FYB2: variants seen among roughly 807,000 people sequenced by gnomAD.
The protein encoded by FYB2 is FYN binding protein 2.
FYB2 carries 103 observed loss-of-function variants against 94.1 expected under a neutral mutation model. The observed-to-expected ratio is 1.09, with a 90% confidence interval of 0.93 to 1.29. The LOEUF (loss-of-function observed/expected upper bound fraction) is 1.29, where lower values mean the gene tolerates loss of function less well. Ranked by LOEUF, FYB2 falls within the 50% of genes most tolerant of loss-of-function variation. The pLI, the probability that FYB2 is intolerant of heterozygous loss-of-function variation, is 0.00. For missense variants in FYB2, 896 were observed against 841.5 expected (o/e 1.06, Z -0.80); for synonymous variants, 293 against 287.9 (o/e 1.02, Z -0.18).
chr1:56,793,540 A>G (rs761575905), intron 1 of FYB2, among the ~76,000 whole-genome samples: 24 of 152,198 alleles, frequency 1.6e-4, no homozygotes, highest in Non-Finnish European at 2.9e-4. Context: ...ACACATGGAC[A>G]TAAAGATGAA....
At chr1:56,740,488 T>C (rs1198399895) in intron 13 of FYB2, among the ~76,000 whole-genome samples, 1 of 152,080 alleles carries the variant, frequency 6.6e-6, no homozygotes, top group Non-Finnish European at 1.5e-5. Context: ...TCTGCCATTT[T>C]TTCAAAGGAG....
chr1:56,763,968 T>TA (rs1645562994), intron 5 of FYB2, among the ~76,000 whole-genome samples: 1 of 151,220 alleles, frequency 6.6e-6, no homozygotes, highest in Non-Finnish European at 1.5e-5. Flanking sequence ...TTTTTTTTTT[T>TA]AGATGGAGTT....
At chr1:56,823,635 G>A (rs1557683472), upstream of FYB2, 2 of 152,162 alleles carry the variant, frequency 1.3e-5, no homozygotes, top group African/African-American at 4.8e-5. Flanking sequence ...TATAGTAAGA[G>A]CTTTTTTGAA....
intron 1 of FYB2, among the ~76,000 whole-genome samples, chr1:56,798,166 A>G (rs766443210): frequency 2.6e-5 from 4 of 152,256 alleles, no homozygotes; most frequent in Admixed American, 6.5e-5. Flanking sequence ...ACCGTAACTC[A>G]GCAGAATCTT....
chr1:56,780,324 C>G (rs1335275341), intron 4 of FYB2, among the ~76,000 whole-genome samples: 1 of 152,204 alleles, frequency 6.6e-6, no homozygotes, highest in African/African-American at 2.4e-5. Context: ...TCACACAGAT[C>G]CCTCTGCACA....
At chr1:56,806,876 C>CA (rs1324966440) in intron 1 of FYB2, among the ~76,000 whole-genome samples, 1 of 152,150 alleles carries the variant, frequency 6.6e-6, no homozygotes, top group Non-Finnish European at 1.5e-5. Flanking sequence ...GTGCCAAGTT[C>CA]AAAATATAGC....
chr1:56,771,494 A>C (rs1409901015), intron 4 of FYB2, among the ~76,000 whole-genome samples: 1 of 152,224 alleles, frequency 6.6e-6, no homozygotes, highest in East Asian at 1.9e-4. Flanking sequence ...TTGCCTCTGC[A>C]AAGGGAGAAA....
rs1223048187 is a variant in FYB2 at position 56,792,027 on chromosome 1, C to T, written c.757+29G>A. ...AAAAACATGATGACACCTCCCTAGC[C>T]CCTGTCCCATGGGGATCACGTTTGT... On this transcript the variant is annotated intron_variant, in intron 2 of 19. Coordinates refer to ENST00000343433, the MANE Select transcript of FYB2 (RefSeq NM_001004303.5). The T allele has an allele frequency of 5.8e-6, 9 of 1,538,876 alleles. No individual in the cohort carries two copies. The South Asian group carries it at 6.6e-5, about 11-fold the overall frequency.
chr1:56,737,031 G>T, intron 15 of FYB2, 56 bp downstream of exon 15: 1 of 1,269,934 alleles, frequency 7.9e-7, no homozygotes, highest in South Asian at 1.2e-5. Context: ...AATTAAGAAA[G>T]CATCAGGAAA....
chr1:56,819,949 C>T (rs557885475), upstream of FYB2, among the ~76,000 whole-genome samples: 42 of 152,160 alleles, frequency 2.8e-4, 1 homozygote, highest in South Asian at 5.4e-3. Context: ...GAAGAATGGC[C>T]GGGTGCAGTG....
At chr1:56,821,779 C>T (rs555759152), upstream of FYB2, among the ~76,000 whole-genome samples, 50 of 152,282 alleles carry the variant, frequency 3.3e-4, no homozygotes, top group Non-Finnish European at 3.5e-4. Context: ...GGGCCCCCAT[C>T]CCATAAGTGG....
intron 1 of FYB2, among the ~76,000 whole-genome samples, chr1:56,803,426 G>T (rs147280516): frequency 6.6e-6 from 1 of 152,270 alleles, no homozygotes; most frequent in Non-Finnish European, 1.5e-5. Flanking sequence ...GAAGGAAGAA[G>T]AAAAAGCAAA....
intron 15 of FYB2, among the ~76,000 whole-genome samples, chr1:56,728,846 C>A (rs889285148): frequency 6.6e-6 from 1 of 152,102 alleles, no homozygotes; most frequent in Non-Finnish European, 1.5e-5. Context: ...TCACTCTAAG[C>A]CCACAGGAGT....
In FYB2 at chr1:56,819,368, C is replaced by T; in HGVS notation, c.-78G>A. The T allele has an allele frequency of 6.3e-7, 1 of 1,585,292 alleles. No individual in the cohort carries two copies. The highest frequency in any genetic ancestry group is 8.7e-7 in the Non-Finnish European group (1 of 1,155,688). On this transcript the variant is annotated 5_prime_UTR_variant, in exon 1 of 20. Transcript: ENST00000343433. ...GTCCTGGGGCCAACAATCCGCTTTC[C>T]TCTGTCTCTGCTAGCCAGGGAGCAA...
intron 1 of FYB2, among the ~76,000 whole-genome samples, chr1:56,795,537 T>C (rs1268076429): frequency 2.0e-5 from 3 of 152,194 alleles, no homozygotes; most frequent in Non-Finnish European, 4.4e-5. Context: ...CTATTTTTAA[T>C]TTTTGAGGAG....
intron 4 of FYB2, among the ~76,000 whole-genome samples, chr1:56,777,585 G>A (rs895843271): frequency 3.3e-5 from 5 of 152,114 alleles, no homozygotes; most frequent in African/African-American, 4.8e-5. Context: ...GTCTTAAGCC[G>A]AGTGCTGTCT....
At chr1:56,757,152 G>A (rs1241039538) in intron 6 of FYB2, among the ~76,000 whole-genome samples, 1 of 152,134 alleles carries the variant, frequency 6.6e-6, no homozygotes, top group Non-Finnish European at 1.5e-5. Context: ...ACTTAAAACA[G>A]AAAATTGGGA....
intron 4 of FYB2, among the ~76,000 whole-genome samples, chr1:56,777,264 A>C (rs982871595): frequency 1.3e-4 from 1 of 7,978 alleles, no homozygotes; most frequent in Non-Finnish European, 1.8e-4. Context: ...AAAAAAAAAA[A>C]AAAAAAAAAA....
intron 1 of FYB2, among the ~76,000 whole-genome samples, chr1:56,808,841 T>C (rs138589721): frequency 6.6e-6 from 1 of 152,316 alleles, no homozygotes; most frequent in Non-Finnish European, 1.5e-5. Flanking sequence ...ATTTCACTAA[T>C]GATCCTTGCA....
Sources: allele counts gnomAD v4.1 joint callset (sites outside exome capture counted in the v4.1 genomes callset), GRCh38; gene constraint gnomAD v4.1.1; transcripts MANE v1.5; gene names NCBI Gene and HGNC (gene_info 2026-07-23, HGNC 2026-07-21).